Variants in NEK1 observed in about 807,000 individuals in gnomAD.
NEK1 encodes the protein NIMA related kinase 1, also known as serine/threonine-protein kinase Nek1.
NEK1 carries 137 observed loss-of-function variants against 182.1 expected under a neutral mutation model. The ratio of observed to expected loss-of-function variants is 0.75; its 90% CI spans 0.65 to 0.87. The LOEUF is 0.87. Among genes scored for constraint, NEK1 ranks in the 40% least tolerant of loss-of-function variants. NEK1 has a pLI of 0.00. For missense variants in NEK1, 1,391 were observed against 1,494.4 expected (o/e 0.93, Z 1.14); for synonymous variants, 513 against 492.2 (o/e 1.04, Z -0.56).
chr4:169,508,833 G>C lies in NEK1; in HGVS notation c.1685C>G (p.Ala562Gly). 1.3e-6 allele frequency: 2 copies of C among 1,591,098 alleles called. No homozygotes were observed. The highest frequency in any genetic ancestry group is 1.7e-6 in the Non-Finnish European group (2 of 1,176,288). ...EGHMGILQNL[A>G]AMYGGRPSSS... ...GCTGGGCCTGCCTCCATACATAGCT[G>C]CCAGGTTTTGCAGGATTCCCTGTTT... Residue 562 changes from alanine to glycine, a missense_variant, in exon 20 of 36, where the codon GCA becomes GGA. Around this residue, in one of 5 missense-constraint regions of NEK1, gnomAD observed 1,216 missense variants for 1,277.6 expected, o/e 0.95. Coordinates refer to ENST00000507142, the MANE Select transcript of NEK1 (RefSeq NM_001199397.3).
chr4:169,470,190 G>A (rs1403344001), intron 26 of NEK1, among the ~76,000 whole-genome samples: 1 of 152,068 alleles, frequency 6.6e-6, no homozygotes, highest in African/African-American at 2.4e-5. Flanking sequence ...TGGTTACTCT[G>A]CCCATTAGTT....
intron 26 of NEK1, among the ~76,000 whole-genome samples, chr4:169,475,031 G>A (rs2149540633): frequency 6.6e-6 from 1 of 152,092 alleles, no homozygotes; most frequent in Admixed American, 6.5e-5. Flanking sequence ...CTGAGAGAGG[G>A]AAAAAACAAA....
intron 29 of NEK1, among the ~76,000 whole-genome samples, chr4:169,427,988 C>CTT (rs58161351): frequency 0.013 from 1,853 of 140,324 alleles, 34 homozygotes; most frequent in African/African-American, 0.045. Context: ...CCATGCCTGG[C>CTT]TTTTTTTTTT....
chr4:169,455,261 G>A (rs1364936693), intron 27 of NEK1, among the ~76,000 whole-genome samples: 1 of 151,806 alleles, frequency 6.6e-6, no homozygotes, highest in Non-Finnish European at 1.5e-5. Context: ...AACCAACATG[G>A]CACATGTATA....
intron 27 of NEK1, among the ~76,000 whole-genome samples, chr4:169,449,256 T>C (rs11724571): frequency 0.28 from 43,253 of 152,156 alleles, 8,768 homozygotes; most frequent in African/African-American, 0.58. Context: ...CAGCAGACAA[T>C]TTCTGCAGAC....
At chr4:169,413,020 CAG>C (rs1308430601) in intron 31 of NEK1, among the ~76,000 whole-genome samples, 1 of 152,036 alleles carries the variant, frequency 6.6e-6, no homozygotes, top group East Asian at 1.9e-4. Context: ...CCAAACTTTT[CAG>C]ACTGTTCTGA....
At position 169,577,073 on chromosome 4, in the gene NEK1, C is replaced by T. The variant is rs1765804278; in HGVS notation, c.875G>A (p.Arg292Lys). 1 of 1,613,418 alleles carries T rather than the reference C, an allele frequency of 6.2e-7. No homozygotes were observed. Among genetic ancestry groups the T allele is most frequent in the African/African-American group, 1.3e-5 (1 of 74,992 alleles). The change falls in exon 12 of 36, where the codon AGA (arginine) becomes AAA (lysine). Residue 292 changes from arginine (R) to lysine (K), a missense_variant. Physicochemically the swap from Arg to Lys is conservative, Grantham distance 26 (BLOSUM62 2). Coordinates refer to ENST00000507142, the MANE Select transcript of NEK1 (RefSeq NM_001199397.3). ...AATCGAGTTTTGTCCTGAAGCTGGTCTTTTAGCTAGATGAAAAGATACAAA... is the reference window on the plus strand; with the variant it reads ...AATCGAGTTTTGTCCTGAAGCTGGTTTTTTAGCTAGATGAAAAGATACAAA... Reference protein sequence around the residue: ...KFGSQPIPAKRPASGQNSISV... With the variant: ...KFGSQPIPAKKPASGQNSISV...
At chr4:169,495,274 C>T (rs1407157509) in intron 23 of NEK1, among the ~76,000 whole-genome samples, 23 of 113,936 alleles carry the variant, frequency 2.0e-4, no homozygotes, top group African/African-American at 5.8e-4. Flanking sequence ...GACGGAGTTT[C>T]GCTCTGTCGC....
intron 35 of NEK1, among the ~76,000 whole-genome samples, chr4:169,398,391 C>G (rs1731078094): frequency 6.6e-6 from 1 of 151,400 alleles, no homozygotes; most frequent in Non-Finnish European, 1.5e-5. Context: ...ACATGTTATT[C>G]AAGTTTGAGG....
Position 169,401,724 on chromosome 4 carries a change from T to A in NEK1, c.3511A>T (p.Asn1171Tyr), listed in dbSNP as rs1481771319. The change falls in exon 33 of 36, where the codon AAT (asparagine) becomes TAT (tyrosine). Residue 1171 changes from asparagine (N) to tyrosine (Y), a missense_variant. Asn to Tyr is a moderately radical substitution (Grantham distance 143). Coordinates refer to ENST00000507142, the MANE Select transcript of NEK1 (RefSeq NM_001199397.3). ...LKNSDVEPTA[N>Y]GTDVADEDDN... The stretch of plus-strand genomic sequence containing the variant: ...TCTTCATCTGCCACATCTGTCCCAT[T>A]TGCAGTTGGCTCCACATCACTGTTC... The A allele has an allele frequency of 1.9e-6, 3 of 1,613,834 alleles. No individual in the cohort carries two copies. The highest frequency in any genetic ancestry group is 1.7e-6 in the Non-Finnish European group (2 of 1,179,834).
Position 169,508,294 on chromosome 4 carries a change from T to C in NEK1, c.1787A>G (p.Asn596Ser). ...LARLRQIRLQNFNERQQIKAK... is the reference protein window; with the variant it reads ...LARLRQIRLQSFNERQQIKAK... ...TTTAATCTGTTGGCGCTCATTGAAA[T>C]TCTGTAGTCTTATTTGCCTCAGTCT... is the stretch of plus-strand genomic sequence containing the variant. The change falls in exon 21 of 36, where the codon AAT (asparagine) becomes AGT (serine). Residue 596 changes from asparagine to serine, a missense_variant. Physicochemically the swap from Asn to Ser is conservative, Grantham distance 46 (BLOSUM62 1). This residue lies in a region of NEK1 where 1,216 missense variants were observed against 1,277.6 expected (regional missense o/e 0.95). Transcript: ENST00000507142. 1.3e-6 allele frequency: 2 copies of C among 1,592,478 alleles called. No homozygotes were observed. The highest frequency in any genetic ancestry group is 8.5e-7 in the Non-Finnish European group (1 of 1,169,716).
At chr4:169,555,611 T>C (rs527788491) in intron 18 of NEK1, 109 bp downstream of exon 18, 1 of 1,447,610 alleles carries the variant, frequency 6.9e-7, no homozygotes, top group South Asian at 1.2e-5. Flanking sequence ...GCAAAAAACA[T>C]CATATGTGAA....
chr4:169,405,212 G>C (rs187064699), intron 32 of NEK1, among the ~76,000 whole-genome samples: 55 of 152,250 alleles, frequency 3.6e-4, no homozygotes, highest in Non-Finnish European at 6.2e-4. Context: ...AGTCAGTATA[G>C]CTAACTACAT....
Position 169,477,265 on chromosome 4 carries a change from C to G in NEK1, c.2293G>C (p.Glu765Gln). ...KGKQNLSDTF[E>Q]INVHEDAKEH... ...TTGGCATCTTCATGAACATTTATCT[C>G]AAAAGTATCAGAGAGATTCTGCTTT... The change falls in exon 26 of 36, where the codon GAG becomes CAG. Residue 765 changes from glutamate (E) to glutamine (Q), a missense_variant. Glu to Gln is a conservative substitution (Grantham distance 29). Around this residue, in one of 5 missense-constraint regions of NEK1, gnomAD observed 1,216 missense variants for 1,277.6 expected, o/e 0.95. Transcript: ENST00000507142. The G allele has an allele frequency of 6.3e-7, 1 of 1,597,968 alleles. No homozygotes were observed. Among genetic ancestry groups the G allele is most frequent in the Non-Finnish European group, 8.5e-7 (1 of 1,170,686 alleles).
intron 2 of NEK1, among the ~76,000 whole-genome samples, chr4:169,608,813 C>T (rs1287152969): frequency 1.3e-5 from 2 of 152,034 alleles, no homozygotes; most frequent in African/African-American, 2.4e-5. Flanking sequence ...AATCCCAGCA[C>T]TTTGGGAGGC....
At chr4:169,422,167 G>A (rs945362049) in intron 31 of NEK1, among the ~76,000 whole-genome samples, 2 of 152,194 alleles carry the variant, frequency 1.3e-5, no homozygotes, top group Admixed American at 6.5e-5. Flanking sequence ...TCTGAACAGA[G>A]CCGCTTCAGT....
intron 29 of NEK1, among the ~76,000 whole-genome samples, chr4:169,431,555 C>A (rs558367129): frequency 6.6e-6 from 1 of 151,736 alleles, no homozygotes; most frequent in African/African-American, 2.4e-5. Flanking sequence ...CAAACAGACT[C>A]AAATCTATAA....
At chr4:169,572,182 G>A (rs1764977439) in intron 12 of NEK1, among the ~76,000 whole-genome samples, 1 of 152,206 alleles carries the variant, frequency 6.6e-6, no homozygotes, top group African/African-American at 2.4e-5. Flanking sequence ...TCTGAAAGCA[G>A]TTAGACTAAT....
chr4:169,507,007 C>A, intron 23 of NEK1, 30 bp downstream of exon 23: 1 of 1,465,382 alleles, frequency 6.8e-7, no homozygotes, highest in South Asian at 1.2e-5. Context: ...GTTAATACAA[C>A]CAGGATTAAG....
Sources: gnomAD v4.1 joint callset for allele counts (sites outside exome capture counted in the v4.1 genomes callset) on GRCh38, gnomAD v4.1.1 for gene constraint, gnomAD v4.1.1 regional missense constraint, MANE v1.5 for transcripts, NCBI Gene and HGNC (gene_info 2026-07-23, HGNC 2026-07-21) for gene names.